The following IL23R variants were observed in gnomAD, a reference collection of about 807,000 sequenced individuals.
The protein encoded by IL23R is interleukin 23 receptor.
In IL23R, 34 loss-of-function variants were observed where a neutral mutation model predicts 56.9. The observed-to-expected ratio is 0.60, with a 90% CI of 0.45 to 0.80. IL23R has a LOEUF of 0.80. IL23R is among the 30% of genes least tolerant of loss of function. IL23R has a pLI of 0.00. For synonymous variants in IL23R, 230 were observed against 249.2 expected, an observed-to-expected ratio of 0.92 and a Z score of 0.73; for missense variants, 635 against 730.0, an observed-to-expected ratio of 0.87 and a Z score of 1.50.
intron 8 of IL23R, among the ~76,000 whole-genome samples, chr1:67,238,797 G>C (rs1448796162): frequency 1.3e-5 from 2 of 152,128 alleles, no homozygotes; most frequent in African/African-American, 4.8e-5. Context: ...CCCCCAATTA[G>C]TTGCTTCAAA....
intron 7 of IL23R, among the ~76,000 whole-genome samples, chr1:67,227,372 T>C (rs559728010): frequency 3.3e-4 from 50 of 152,176 alleles, no homozygotes; most frequent in African/African-American, 8.2e-4. Flanking sequence ...TGATGACTAA[T>C]TCACTTGCTT....
At chr1:67,245,824 T>A (rs1652182247) in intron 9 of IL23R, among the ~76,000 whole-genome samples, 1 of 152,220 alleles carries the variant, frequency 6.6e-6, no homozygotes, top group South Asian at 2.1e-4. Context: ...GCTGGCCTCA[T>A]AAAATGAGTT....
intron 3 of IL23R, among the ~76,000 whole-genome samples, chr1:67,179,548 T>C (rs1258129995): frequency 6.6e-6 from 1 of 152,194 alleles, no homozygotes; most frequent in Non-Finnish European, 1.5e-5. Context: ...ATCAATTTTG[T>C]TGATTTTTTC....
upstream of IL23R, among the ~76,000 whole-genome samples, chr1:67,162,228 G>T (rs1482266571): frequency 6.6e-6 from 1 of 151,868 alleles, no homozygotes; most frequent in African/African-American, 2.4e-5. Flanking sequence ...CACTTTGGGA[G>T]GCCGAGGCAG....
intron 1 of IL23R, among the ~76,000 whole-genome samples, chr1:67,144,022 TAAATA>T (rs1234665298): frequency 2.6e-5 from 4 of 152,046 alleles, no homozygotes; most frequent in Admixed American, 6.6e-5. Context: ...AAAAAACAAA[TAAATA>T]AAATAAAAAA....
At chr1:67,224,784 G>A (rs1333709854) in intron 7 of IL23R, among the ~76,000 whole-genome samples, 2 of 152,102 alleles carry the variant, frequency 1.3e-5, no homozygotes, top group Non-Finnish European at 1.5e-5. Flanking sequence ...AATAGCAAGA[G>A]GCCAATTAAC....
chr1:67,186,498 C>G (rs1204760147), intron 4 of IL23R, among the ~76,000 whole-genome samples: 1 of 152,012 alleles, frequency 6.6e-6, no homozygotes, highest in Non-Finnish European at 1.5e-5. Context: ...TATTTCCCCT[C>G]AATCTTCCCA....
chr1:67,200,920 A>T, intron 5 of IL23R, 23 bp downstream of exon 5: 1 of 1,611,782 alleles, frequency 6.2e-7, no homozygotes, highest in Non-Finnish European at 8.5e-7. Context: ...AAATTCTGTA[A>T]GTCTTTAATA....
Position 67,157,674 on chromosome 1 carries a change from G to C in IL23R, c.-633-10418G>C, listed in dbSNP as rs142808174. On this transcript the variant is annotated intron_variant, in intron 1 of 10. Coordinates refer to the IL23R transcript ENST00000637002. The stretch of plus-strand genomic sequence containing the variant: ...AATTAACTCCATGGCCTGCTTCCTC[G>C]CTTCTATTAGATCTTTGCTCAAATA... Among the ~76,000 whole-genome samples the C allele has an allele frequency of 1.6e-4, 24 of 152,202 alleles. No homozygotes were observed. The East Asian group carries it at 4.4e-3, about 28-fold the overall frequency.
chr1:67,235,396 C>CT (rs9326074), intron 7 of IL23R, among the ~76,000 whole-genome samples: 4 of 140,394 alleles, frequency 2.8e-5, no homozygotes, highest in Admixed American at 7.0e-5. Flanking sequence ...TTTCTTTTTT[C>CT]TTTTTTTTTT....
intron 5 of IL23R, among the ~76,000 whole-genome samples, chr1:67,203,779 C>A (rs2102628939): frequency 6.6e-6 from 1 of 152,264 alleles, no homozygotes; most frequent in Middle Eastern, 3.4e-3. Context: ...ACGGGCTGGG[C>A]TTTAATGACA....
chr1:67,149,105 A>G (rs945839851), intron 1 of IL23R, among the ~76,000 whole-genome samples: 12 of 152,090 alleles, frequency 7.9e-5, no homozygotes, highest in African/African-American at 2.4e-4. Context: ...CTCACTCCCA[A>G]TCATAGGGTT....
chr1:67,143,039 T>G (rs1646652141), intron 1 of IL23R, among the ~76,000 whole-genome samples: 1 of 152,160 alleles, frequency 6.6e-6, no homozygotes, highest in Admixed American at 6.5e-5. Context: ...CTTTCTTAGA[T>G]AGTGAGAGAT....
intron 10 of IL23R, among the ~76,000 whole-genome samples, chr1:67,256,870 C>A (rs566963680): frequency 1.3e-5 from 2 of 152,088 alleles, no homozygotes; most frequent in Non-Finnish European, 2.9e-5. Flanking sequence ...GGTTTCTAGG[C>A]TAAAAATAAA....
intron 9 of IL23R, among the ~76,000 whole-genome samples, chr1:67,251,705 A>G (rs182298989): frequency 1.3e-5 from 2 of 152,308 alleles, no homozygotes; most frequent in Non-Finnish European, 2.9e-5. Flanking sequence ...TAAAGTTCCC[A>G]CAGGTATCAA....
chr1:67,178,399 T>C (rs902119728), intron 3 of IL23R, among the ~76,000 whole-genome samples: 8 of 152,340 alleles, frequency 5.3e-5, no homozygotes, highest in African/African-American at 1.9e-4. Flanking sequence ...GGGAGTTCAC[T>C]TTTGATTTGG....
At chr1:67,254,120 G>A (rs1220971535) in intron 9 of IL23R, among the ~76,000 whole-genome samples, 2 of 151,974 alleles carry the variant, frequency 1.3e-5, no homozygotes, top group South Asian at 4.2e-4. Context: ...CCATACTGGA[G>A]TGCAGTGGTG....
At chr1:67,238,780 G>A (rs1278495828) in intron 8 of IL23R, among the ~76,000 whole-genome samples, 1 of 152,154 alleles carries the variant, frequency 6.6e-6, no homozygotes, top group Non-Finnish European at 1.5e-5. Flanking sequence ...GTGTGTGGCA[G>A]CCAGTACCCC....
chr1:67,151,516 T>C (rs1033953992), intron 1 of IL23R, among the ~76,000 whole-genome samples: 1 of 152,228 alleles, frequency 6.6e-6, no homozygotes, highest in African/African-American at 2.4e-5. Context: ...CATCATGAAG[T>C]CTTTGCCCAT....
Sources: allele counts gnomAD v4.1 joint callset (sites outside exome capture counted in the v4.1 genomes callset), GRCh38; gene constraint gnomAD v4.1.1; transcripts MANE v1.5; gene names NCBI Gene and HGNC (gene_info 2026-07-23, HGNC 2026-07-21).